The following ATRX variants were observed in gnomAD, a reference collection of about 807,000 sequenced individuals.
The protein encoded by ATRX is ATRX chromatin remodeler, also known as chromatin remodeler ATRX.
In ATRX, 12 loss-of-function variants were observed where a neutral mutation model predicts 172.6. The observed-to-expected ratio is 0.07, with a 90% confidence interval of 0.04 to 0.11. The LOEUF (loss-of-function observed/expected upper bound fraction) is 0.11, where lower values mean the gene tolerates loss of function less well. Among genes scored for constraint, ATRX ranks in the 10% least tolerant of loss-of-function variants. The pLI, the probability that ATRX is intolerant of heterozygous loss-of-function variation, is 1.00. For missense variants in ATRX, 1,368 were observed against 1,767.4 expected, an observed-to-expected ratio of 0.77 and a Z score of 4.05; for synonymous variants, 674 against 594.7, an observed-to-expected ratio of 1.13 and a Z score of -1.94.
At chrX:77,779,607 T>G (rs1268346984) in intron 1 of ATRX, among the ~76,000 whole-genome samples, 1 of 111,935 alleles carries the variant, frequency 8.9e-6, no homozygotes. Flanking sequence ...TGCTTTCTAA[T>G]TGCTCATTTA....
At chrX:77,620,813 G>T (rs1258870396) in intron 19 of ATRX, among the ~76,000 whole-genome samples, 2 of 111,310 alleles carry the variant, frequency 1.8e-5, no homozygotes, top group African/African-American at 6.5e-5. Context: ...AACAACAAGA[G>T]GGAAAAAGTT....
chrX:77,583,731 A>T lies in ATRX; in HGVS notation c.6217+6103T>A, dbSNP rs782425339. On this transcript the variant is annotated intron_variant, in intron 27 of 34. Coordinates refer to ENST00000373344, the MANE Select transcript of ATRX (RefSeq NM_000489.6). ...ACTAAAAGGCTTTCCTCTAAGATCA[A>T]GAACATGACAAGGATGCCCACTTCT... 2.7e-4 allele frequency among the ~76,000 whole-genome samples: 30 copies of T among 112,068 alleles called. No homozygotes were observed. In the South Asian group the frequency reaches 0.011, roughly 42 times the overall value.
At chrX:77,729,114 C>T (rs2074183037) in intron 1 of ATRX, among the ~76,000 whole-genome samples, 1 of 94,266 alleles carries the variant, frequency 1.1e-5, no homozygotes, top group African/African-American at 4.1e-5. Flanking sequence ...CTGCCAGATG[C>T]TCACAAAAGC....
Position 77,702,189 on chromosome X carries a change from T to G in ATRX, c.134-3560A>C, listed in dbSNP as rs782687116. Among the ~76,000 whole-genome samples, 3 of 112,683 alleles carry G rather than the reference T, an allele frequency of 2.7e-5. No homozygotes were observed. In the South Asian group the frequency reaches 1.1e-3, roughly 41 times the overall value. On this transcript the variant is annotated intron_variant, in intron 2 of 34. Coordinates refer to ENST00000373344, the MANE Select transcript of ATRX (RefSeq NM_000489.6). ...TGGGCGCAGTGGCTCACGCCTGTAA[T>G]CCCAAAACTTTGGGAGGCCGAGGCA...
chrX:77,681,456 A>T (rs1451441694), intron 9 of ATRX, 64 bp downstream of exon 9: 6 of 1,049,101 alleles, frequency 5.7e-6, no homozygotes, highest in Non-Finnish European at 8.0e-6. Flanking sequence ...AGAGGAAATT[A>T]AACAATGTAG....
chrX:77,729,974 T>A (rs1189022782), intron 1 of ATRX, among the ~76,000 whole-genome samples: 1 of 111,834 alleles, frequency 8.9e-6, no homozygotes, highest in Non-Finnish European at 1.9e-5. Context: ...AGGCATATAG[T>A]TATTTGTTAA....
At chrX:77,604,670 A>G (rs1485901205) in intron 22 of ATRX, among the ~76,000 whole-genome samples, 1 of 112,284 alleles carries the variant, frequency 8.9e-6, no homozygotes, top group Non-Finnish European at 1.9e-5. Context: ...AAATCATTAT[A>G]TCAAAAACAT....
intron 30 of ATRX, among the ~76,000 whole-genome samples, chrX:77,544,134 C>T (rs1440207669): frequency 2.7e-5 from 3 of 111,076 alleles, no homozygotes; most frequent in Non-Finnish European, 5.7e-5. Context: ...ATGCCATATA[C>T]TTGTAATTTA....
At chrX:77,702,314 G>T (rs1267733316) in intron 2 of ATRX, among the ~76,000 whole-genome samples, 1 of 111,454 alleles carries the variant, frequency 9.0e-6, no homozygotes, top group Non-Finnish European at 1.9e-5. Context: ...GTGGTGGCAG[G>T]TGCCTGTAAT....
At chrX:77,624,054 G>A (rs2067707509) in intron 19 of ATRX, among the ~76,000 whole-genome samples, 1 of 111,657 alleles carries the variant, frequency 9.0e-6, no homozygotes, top group Non-Finnish European at 1.9e-5. Flanking sequence ...CCTAGCCAGA[G>A]CAATCAGACG....
intron 30 of ATRX, among the ~76,000 whole-genome samples, chrX:77,524,526 G>A (rs2063323680): frequency 9.0e-6 from 1 of 111,175 alleles, no homozygotes; most frequent in Non-Finnish European, 1.9e-5. Flanking sequence ...GAACTCAAAT[G>A]TGCATTAAAT....
At chrX:77,639,578 C>T (rs1347578505) in intron 15 of ATRX, among the ~76,000 whole-genome samples, 1 of 111,568 alleles carries the variant, frequency 9.0e-6, no homozygotes, top group Non-Finnish European at 1.9e-5. Context: ...GTGTGTGGTA[C>T]ATTTTAATGC....
chrX:77,696,452 C>T (rs2072189885), intron 5 of ATRX, 125 bp downstream of exon 5: 15 of 721,348 alleles, frequency 2.1e-5, no homozygotes, highest in Non-Finnish European at 3.1e-5. Flanking sequence ...TTCTAGACAA[C>T]CACTAGGAAA....
At chrX:77,549,317 G>A (rs1223498957) in intron 30 of ATRX, among the ~76,000 whole-genome samples, 1 of 111,637 alleles carries the variant, frequency 9.0e-6, no homozygotes, top group Non-Finnish European at 1.9e-5. Flanking sequence ...CCCCAGAGGC[G>A]GAGGTTGCAG....
intron 1 of ATRX, among the ~76,000 whole-genome samples, chrX:77,734,199 T>C (rs965406213): frequency 1.0e-5 from 1 of 97,864 alleles, no homozygotes; most frequent in African/African-American, 3.6e-5. Flanking sequence ...AGAGCAAGAT[T>C]CTGTCTCAAA....
intron 1 of ATRX, among the ~76,000 whole-genome samples, chrX:77,738,949 G>A (rs186332590): frequency 9.0e-6 from 1 of 111,263 alleles, no homozygotes; most frequent in South Asian, 3.8e-4. Context: ...TTTGTTCTTT[G>A]CCATCTTTGT....
chrX:77,714,351 G>A (rs1461099598), intron 2 of ATRX, among the ~76,000 whole-genome samples: 3 of 111,486 alleles, frequency 2.7e-5, no homozygotes, highest in Non-Finnish European at 5.6e-5. Flanking sequence ...ACCGGACTCC[G>A]AACCTACAGA....
At chrX:77,656,793 A>C in intron 12 of ATRX, 140 bp from the exon 13 acceptor site, 2 of 441,758 alleles carry the variant, frequency 4.5e-6, no homozygotes, top group African/African-American at 2.4e-5. Context: ...AATACATAAT[A>C]TAGAATATAC....
chrX:77,538,331 C>A (rs1179257101), intron 30 of ATRX, among the ~76,000 whole-genome samples: 1 of 109,021 alleles, frequency 9.2e-6, no homozygotes, highest in African/African-American at 3.4e-5. Context: ...ATTGATGGAA[C>A]TAGAGAGGCC....
Sources: gnomAD v4.1 joint callset for allele counts (sites outside exome capture counted in the v4.1 genomes callset) on GRCh38, gnomAD v4.1.1 for gene constraint, MANE v1.5 for transcripts, NCBI Gene and HGNC (gene_info 2026-07-23, HGNC 2026-07-21) for gene names.